The following BBS9 variants were observed in gnomAD, a reference collection of about 807,000 sequenced individuals.
The protein encoded by BBS9 is protein PTHB1.
A neutral mutation model predicts 117.7 loss-of-function variants in BBS9; 89 were observed. The observed-to-expected ratio is 0.76, with a 90% confidence interval of 0.64 to 0.90. The LOEUF (loss-of-function observed/expected upper bound fraction) is 0.90, where lower values mean the gene tolerates loss of function less well. Ranked by LOEUF, BBS9 falls within the 40% of genes least tolerant of loss-of-function variation. The pLI, the probability that BBS9 is intolerant of heterozygous loss-of-function variation, is 0.00. For synonymous variants in BBS9, 379 were observed against 370.9 expected (o/e 1.02, Z -0.25); for missense variants, 982 against 1,042.2 (o/e 0.94, Z 0.80).
At chr7:33,497,695 T>C (rs1844917965) in intron 19 of BBS9, among the ~76,000 whole-genome samples, 2 of 152,144 alleles carry the variant, frequency 1.3e-5, no homozygotes, top group South Asian at 4.1e-4. Context: ...GCTAAAGGAG[T>C]GGATAAAGGG....
At chr7:33,574,511 A>C (rs1359877394) in intron 21 of BBS9, among the ~76,000 whole-genome samples, 1 of 152,066 alleles carries the variant, frequency 6.6e-6, no homozygotes, top group Admixed American at 6.6e-5. Context: ...TGGGCTGCTG[A>C]TTGATAAAGT....
intron 9 of BBS9, among the ~76,000 whole-genome samples, chr7:33,292,089 C>A (rs1313114151): frequency 1.3e-5 from 2 of 152,050 alleles, no homozygotes; most frequent in African/African-American, 4.8e-5. Flanking sequence ...TGAATGAATG[C>A]ATGATGAAGA....
chr7:33,339,830 T>C (rs1816141168), intron 10 of BBS9, among the ~76,000 whole-genome samples: 2 of 152,092 alleles, frequency 1.3e-5, no homozygotes, highest in Admixed American at 6.6e-5. Flanking sequence ...AAGGAAATCA[T>C]GATGATTGGA....
At chr7:33,593,967 G>T (rs1862324745) in intron 21 of BBS9, among the ~76,000 whole-genome samples, 1 of 152,086 alleles carries the variant, frequency 6.6e-6, no homozygotes, top group Non-Finnish European at 1.5e-5. Flanking sequence ...TCGCCACCAA[G>T]TGAGTCTAAA....
At chr7:33,506,046 T>TA (rs1314547135) in intron 20 of BBS9, among the ~76,000 whole-genome samples, 2 of 152,188 alleles carry the variant, frequency 1.3e-5, no homozygotes, top group Non-Finnish European at 2.9e-5. Flanking sequence ...CTTCAAAGGT[T>TA]AGAGAGAATG....
chr7:33,319,929 T>C (rs1407461972), intron 9 of BBS9, among the ~76,000 whole-genome samples: 1 of 152,150 alleles, frequency 6.6e-6, no homozygotes, highest in Non-Finnish European at 1.5e-5. Context: ...CAAAAGAAGA[T>C]ATACAAATGG....
At chr7:33,321,086 T>C (rs1398235284) in intron 9 of BBS9, among the ~76,000 whole-genome samples, 1 of 152,110 alleles carries the variant, frequency 6.6e-6, no homozygotes, top group Admixed American at 6.6e-5. Flanking sequence ...TTCTGTTCCA[T>C]TGGTCTTTGT....
chr7:33,406,791 C>T (rs377079614), intron 19 of BBS9, among the ~76,000 whole-genome samples: 71 of 151,220 alleles, frequency 4.7e-4, no homozygotes, highest in African/African-American at 1.1e-3. Flanking sequence ...GTAGAGTTTC[C>T]GCCAAGAGAT....
intron 4 of BBS9, among the ~76,000 whole-genome samples, chr7:33,170,637 C>T (rs1381536568): frequency 6.6e-6 from 1 of 151,362 alleles, no homozygotes; most frequent in East Asian, 1.9e-4. Flanking sequence ...AAAGGGTATT[C>T]AATTAGGAAA....
At chr7:33,424,104 G>GA (rs1475094298) in intron 19 of BBS9, among the ~76,000 whole-genome samples, 2 of 152,046 alleles carry the variant, frequency 1.3e-5, no homozygotes, top group African/African-American at 4.8e-5. Context: ...CTTGTAGCTG[G>GA]AAAAACACAC....
chr7:33,388,231 A>G, intron 19 of BBS9, 87 bp downstream of exon 19: 2 of 1,487,274 alleles, frequency 1.3e-6, no homozygotes, highest in Non-Finnish European at 1.9e-6. Context: ...ATCCAAGATA[A>G]GGTACTCATT....
intron 12 of BBS9, among the ~76,000 whole-genome samples, chr7:33,345,887 T>C (rs553184343): frequency 2.0e-5 from 3 of 152,176 alleles, no homozygotes; most frequent in African/African-American, 7.2e-5. Context: ...TCATGCTAAT[T>C]GTACCCCCAG....
intron 9 of BBS9, among the ~76,000 whole-genome samples, chr7:33,322,356 C>CTTTTTTTTTTTTTTTTTTTTT (rs35411730): frequency 1.3e-5 from 1 of 74,162 alleles, no homozygotes; most frequent in Non-Finnish European, 2.7e-5. Context: ...GGGTCTCAGG[C>CTTTTTTTTTTTTTTTTTTTTT]TTTTTTTTTT....
intron 19 of BBS9, among the ~76,000 whole-genome samples, chr7:33,469,217 G>A (rs1840633282): frequency 6.6e-6 from 1 of 152,134 alleles, no homozygotes; most frequent in Non-Finnish European, 1.5e-5. Context: ...CAGAATGGAT[G>A]AGTAGTATAT....
intron 21 of BBS9, among the ~76,000 whole-genome samples, chr7:33,578,348 C>T (rs1859296020): frequency 6.6e-6 from 1 of 152,154 alleles, no homozygotes; most frequent in South Asian, 2.1e-4. Context: ...CTTGTTCTTC[C>T]CTACAAGGCA....
chr7:33,487,306 T>C (rs1465614349), intron 19 of BBS9, among the ~76,000 whole-genome samples: 1 of 152,224 alleles, frequency 6.6e-6, no homozygotes, highest in African/African-American at 2.4e-5. Context: ...TCCATGTAAA[T>C]TAGCTGAACA....
chr7:33,385,255 A>G (rs1054824783), intron 18 of BBS9, among the ~76,000 whole-genome samples: 2 of 152,032 alleles, frequency 1.3e-5, no homozygotes, highest in Non-Finnish European at 2.9e-5. Flanking sequence ...CTGAGGAGGG[A>G]CTTAGAGAAT....
At position 33,340,908 on chromosome 7, in the gene BBS9, A is replaced by G. The variant is rs779666112; in HGVS notation, c.1210A>G (p.Met404Val). The change falls in exon 11 of 23, where the codon ATG (methionine) becomes GTG (valine). Residue 404 changes from methionine (M) to valine (V), a missense_variant. Physicochemically the swap from Met to Val is conservative, Grantham distance 21 (BLOSUM62 1). Transcript: ENST00000242067. ...DVNKSQGVWP[M>V]TEREDDLNVS... Reference sequence around the variant, plus strand: ...TTTTTAAATCACAGGTGTTTGGCCCATGACTGAGAGAGAAGATGACTTGAA... The same window carrying G: ...TTTTTAAATCACAGGTGTTTGGCCCGTGACTGAGAGAGAAGATGACTTGAA... 11 of 1,613,434 alleles carry G rather than the reference A, an allele frequency of 6.8e-6. No individual in the cohort carries two copies. The highest frequency in any genetic ancestry group is 4.0e-5 in the African/African-American group (3 of 74,920).
At chr7:33,623,334 A>G (rs1029626265) in intron 21 of BBS9, among the ~76,000 whole-genome samples, 3 of 152,192 alleles carry the variant, frequency 2.0e-5, no homozygotes, top group African/African-American at 7.2e-5. Flanking sequence ...TTAAAACACA[A>G]TATTTTGTTG....
Sources: gnomAD v4.1 joint callset for allele counts (sites outside exome capture counted in the v4.1 genomes callset) on GRCh38, gnomAD v4.1.1 for gene constraint, MANE v1.5 for transcripts, NCBI Gene and HGNC (gene_info 2026-07-23, HGNC 2026-07-21) for gene names.